The following RTKN2 variants were observed in gnomAD, a reference collection of about 807,000 sequenced individuals.
The protein encoded by RTKN2 is rhotekin 2.
In RTKN2, 69 loss-of-function variants were observed where a neutral mutation model predicts 71.5. That is an observed-to-expected ratio of 0.96 (90% CI 0.79 to 1.18). RTKN2 has a LOEUF of 1.18. RTKN2 is among the 50% of genes most tolerant of loss of function. RTKN2 has a pLI of 0.00. For missense variants in RTKN2, 724 were observed against 719.7 expected (o/e 1.01, Z -0.07); for synonymous variants, 236 against 236.5 (o/e 1.00, Z 0.02).
chr10:62,185,288 T>C (rs1163500275), intron 8 of RTKN2, among the ~76,000 whole-genome samples: 1 of 152,108 alleles, frequency 6.6e-6, no homozygotes, highest in Non-Finnish European at 1.5e-5. Flanking sequence ...CTAAGGAATA[T>C]TGATTGCATC....
intron 8 of RTKN2, among the ~76,000 whole-genome samples, chr10:62,185,731 A>G (rs1841125516): frequency 6.6e-6 from 1 of 152,230 alleles, no homozygotes; most frequent in African/African-American, 2.4e-5. Flanking sequence ...GGTTAACCTG[A>G]CATCTGAATT....
intron 9 of RTKN2, among the ~76,000 whole-genome samples, chr10:62,210,208 C>T (rs900865725): frequency 6.6e-6 from 1 of 152,004 alleles, no homozygotes; most frequent in African/African-American, 2.4e-5. Flanking sequence ...TTAAAGACTG[C>T]CTGGATTTTT....
Position 62,198,390 on chromosome 10 carries a change from T to A in RTKN2, c.1348A>T (p.Ile450Phe). The A allele has an allele frequency of 6.5e-7, 1 of 1,527,556 alleles. No homozygotes were observed. The highest frequency in any genetic ancestry group is 8.9e-7 in the Non-Finnish European group (1 of 1,127,576). The allele number at this position is 1,527,556 out of a possible 1,614,324, so 94.6% of individuals were successfully genotyped here. A position where few individuals can be genotyped will look rare whatever the true frequency, so the allele number is the denominator to read the frequency against. ...ESLTDIIQKK[I>F]EETNGQFLIG... is the part of the protein sequence containing the mutation. Reference sequence around the variant, plus strand: ...AGGAACTGCCCATTTGTCTCTTCAATTTTTTTTTGTATTATATCCGTTAAA... The same window carrying A: ...AGGAACTGCCCATTTGTCTCTTCAAATTTTTTTTGTATTATATCCGTTAAA... Residue 450 changes from isoleucine to phenylalanine, a missense_variant, in exon 12 of 12, where the codon ATT becomes TTT. Physicochemically the swap from Ile to Phe is conservative, Grantham distance 21. Coordinates refer to ENST00000373789, the MANE Select transcript of RTKN2 (RefSeq NM_145307.4).
At chr10:62,250,904 T>C (rs1267416184) in intron 2 of RTKN2, among the ~76,000 whole-genome samples, 2 of 152,208 alleles carry the variant, frequency 1.3e-5, no homozygotes, top group African/African-American at 2.4e-5. Flanking sequence ...GGGCTGGGAT[T>C]ATAGTCATGA....
In RTKN2 at chr10:62,196,157, T is replaced by C. The variant is rs1260291008; in HGVS notation, c.*1751A>G. ...TCACAAATGCTGTCAAAAACAGCAA[T>C]GAAGTTTTAAAAAATAACCCAAAAA... On this transcript the variant is annotated 3_prime_UTR_variant, in exon 12 of 12. Transcript: ENST00000373789. 4 of 982,064 alleles carry C rather than the reference T, an allele frequency of 4.1e-6. No homozygotes were observed. Among genetic ancestry groups the C allele is most frequent in the African/African-American group, 1.7e-5 (1 of 57,158 alleles). The allele number at this position is 982,064 out of a possible 1,614,324, so 60.8% of individuals were successfully genotyped here. A position where few individuals can be genotyped will look rare whatever the true frequency, so the allele number is the denominator to read the frequency against.
intron 2 of RTKN2, among the ~76,000 whole-genome samples, chr10:62,259,756 T>A (rs773527121): frequency 7.9e-4 from 120 of 152,280 alleles, no homozygotes; most frequent in Non-Finnish European, 1.1e-3. Context: ...TTTGCCATGT[T>A]GCCTAAGCTG....
chr10:62,199,688 G>C, intron 11 of RTKN2, 66 bp downstream of exon 11: 1 of 903,198 alleles, frequency 1.1e-6, no homozygotes, highest in South Asian at 1.6e-5. Flanking sequence ...AATAGAATAA[G>C]CTGCTTCAGT....
At chr10:62,203,036 T>C (rs560425247) in intron 10 of RTKN2, among the ~76,000 whole-genome samples, 2 of 152,244 alleles carry the variant, frequency 1.3e-5, no homozygotes, top group Admixed American at 1.3e-4. Context: ...GGCACATGCC[T>C]GTAATCCCAG....
intron 10 of RTKN2, among the ~76,000 whole-genome samples, chr10:62,202,678 T>C (rs1448454024): frequency 1.3e-5 from 2 of 152,216 alleles, no homozygotes; most frequent in Non-Finnish European, 2.9e-5. Context: ...ACTTCCTTAT[T>C]ATGTTGACAG....
intron 10 of RTKN2, among the ~76,000 whole-genome samples, chr10:62,202,310 T>C (rs1206348082): frequency 6.6e-6 from 1 of 152,172 alleles, no homozygotes; most frequent in Non-Finnish European, 1.5e-5. Flanking sequence ...CCTTCCTGGT[T>C]TTCTATTCTT....
At chr10:62,208,335 T>G (rs1336140599) in intron 9 of RTKN2, among the ~76,000 whole-genome samples, 1 of 149,714 alleles carries the variant, frequency 6.7e-6, no homozygotes, top group African/African-American at 2.5e-5. Flanking sequence ...ACTAAAAACA[T>G]CAGAGCTTTT....
chr10:62,204,923 C>A lies in RTKN2; in HGVS notation c.1120G>T (p.Ala374Ser). Reference sequence around the variant, plus strand: ...TGAAGATCTTCTCTATTGTCAACTGCAAAAATCTGAGTTATAGCTTGTCCA... The same window carrying A: ...TGAAGATCTTCTCTATTGTCAACTGAAAAAATCTGAGTTATAGCTTGTCCA... ...VPGQAITQIF[A>S]VDNREDLQKW... The change falls in exon 10 of 12, where the codon GCA (alanine) becomes TCA (serine). Residue 374 changes from alanine to serine, a missense_variant. Ala to Ser is a moderately conservative substitution (Grantham distance 99, BLOSUM62 1). Coordinates refer to ENST00000373789, the MANE Select transcript of RTKN2 (RefSeq NM_145307.4). 6.2e-7 allele frequency: 1 copy of A among 1,602,380 alleles called. No homozygotes were observed. Among genetic ancestry groups the A allele is most frequent in the Non-Finnish European group, 8.5e-7 (1 of 1,176,134 alleles).
Position 62,268,577 on chromosome 10 carries a change from G to A in RTKN2, c.34C>T (p.Arg12Cys). 6.4e-7 allele frequency: 1 copy of A among 1,566,292 alleles called. No homozygotes were observed. Among genetic ancestry groups the A allele is most frequent in the East Asian group, 2.3e-5 (1 of 42,656 alleles). The change falls in exon 1 of 12, where the codon CGC (arginine) becomes TGC (cysteine). Residue 12 changes from arginine to cysteine, a missense_variant. Arg to Cys is a radical substitution (Grantham distance 180). Transcript: ENST00000373789. The part of the protein sequence containing the change: ...EGPSLRGPAL[R>C]LAGLPTQQDC... ...TGCTGGGTGGGAAGCCCCGCCAGGC[G>A]GAGCGCAGGACCCCTCAGGCTCGGC...
chr10:62,223,998 T>C (rs905443275), intron 6 of RTKN2, among the ~76,000 whole-genome samples: 2 of 152,098 alleles, frequency 1.3e-5, no homozygotes, highest in Non-Finnish European at 1.5e-5. Flanking sequence ...ATATGCATAA[T>C]GGAATATTAT....
Position 62,195,884 on chromosome 10 carries a change from G to A in RTKN2, c.*2024C>T, listed in dbSNP as rs1841321135. The A allele has an allele frequency of 4.1e-6, 4 of 985,154 alleles. No homozygotes were observed. Among genetic ancestry groups the A allele is most frequent in the East Asian group, 1.1e-4 (1 of 8,824 alleles). The allele number at this position is 985,154 out of a possible 1,614,324, so 61.0% of individuals were successfully genotyped here. On this transcript the variant is annotated 3_prime_UTR_variant, in exon 12 of 12. Transcript: ENST00000373789. ...AAAAGGGCTTCAGTCCTGTTTCAAAGTTCTACTCTGAGGGCACAACTGCTA... is the reference window on the plus strand; with the variant it reads ...AAAAGGGCTTCAGTCCTGTTTCAAAATTCTACTCTGAGGGCACAACTGCTA...
chr10:62,200,298 G>A (rs957864255), intron 10 of RTKN2, among the ~76,000 whole-genome samples: 5 of 139,860 alleles, frequency 3.6e-5, no homozygotes, highest in African/African-American at 1.3e-4. Context: ...GGGAGGCAGA[G>A]GTTACAATGA....
At chr10:62,256,767 G>A (rs772658828) in intron 2 of RTKN2, among the ~76,000 whole-genome samples, 1 of 151,868 alleles carries the variant, frequency 6.6e-6, no homozygotes, top group Non-Finnish European at 1.5e-5. Flanking sequence ...GCTATTAACT[G>A]GACAACCTAG....
At chr10:62,188,202 C>T (rs1277275481), downstream of RTKN2, among the ~76,000 whole-genome samples, 3 of 152,172 alleles carry the variant, frequency 2.0e-5, no homozygotes, top group Non-Finnish European at 2.9e-5. Context: ...CTCAGAAGGT[C>T]GCAGTCATGC....
At chr10:62,213,928 C>T (rs910721981) in intron 9 of RTKN2, among the ~76,000 whole-genome samples, 1 of 151,780 alleles carries the variant, frequency 6.6e-6, no homozygotes, top group Non-Finnish European at 1.5e-5. Context: ...AAATATATTT[C>T]TTGACTGGGA....
Sources: allele counts gnomAD v4.1 joint callset (sites outside exome capture counted in the v4.1 genomes callset), GRCh38; gene constraint gnomAD v4.1.1; transcripts MANE v1.5; gene names NCBI Gene and HGNC (gene_info 2026-07-23, HGNC 2026-07-21).